EP400: variants seen among roughly 807,000 people sequenced by gnomAD.
The protein encoded by EP400 is E1A-binding protein p400.
In EP400, 105 loss-of-function variants were observed where a neutral mutation model predicts 354.1. The ratio of observed to expected loss-of-function variants is 0.30; its 90% confidence interval spans 0.25 to 0.35. The LOEUF (loss-of-function observed/expected upper bound fraction) is 0.35, where lower values mean the gene tolerates loss of function less well. EP400 is among the 10% of genes least tolerant of loss of function. The pLI is 1.00. For missense variants in EP400, 3,280 were observed against 4,121.0 expected, an observed-to-expected ratio of 0.80 and a Z score of 5.59; for synonymous variants, 1,646 against 1,716.9, an observed-to-expected ratio of 0.96 and a Z score of 1.02.
Position 132,045,036 on chromosome 12 carries a change from C to CCTGTCTG in EP400, c.6784+92_6784+98dup, listed in dbSNP as rs1398040557. The CCTGTCTG allele has an allele frequency of 6.8e-6, 9 of 1,330,016 alleles. No individual in the cohort carries two copies. The African/African-American group carries it at 7.0e-5, about 10-fold the overall frequency. The allele number at this position is 1,330,016 out of a possible 1,614,324, so 82.4% of individuals were successfully genotyped here. A position where few individuals can be genotyped will look rare whatever the true frequency, so the allele number is the denominator to read the frequency against. On this transcript the variant is annotated intron_variant, in intron 37 of 52. Coordinates refer to ENST00000389561, the MANE Select transcript of EP400 (RefSeq NM_015409.5). Reference sequence around the variant, plus strand: ...CATGTCAGCCACTTTCTGCTGTCTGCCTGTCTGCTGTCTGCCTGTCTGCTG... The same window carrying CCTGTCTG: ...CATGTCAGCCACTTTCTGCTGTCTGCCTGTCTGCTGTCTGCTGTCTGCCTGTCTGCTG...
chr12:131,988,015 G>A (rs11246887), intron 7 of EP400, 125 bp downstream of exon 7: 7 of 788,286 alleles, frequency 8.9e-6, no homozygotes, highest in Non-Finnish European at 1.2e-5. Context: ...TTTTCCCCCA[G>A]ACAGGGTCTT....
rs1314705099 is a variant in EP400, at chr12:131,982,490, G to A, written c.1929+12G>A. 5.1e-6 allele frequency: 8 copies of A among 1,579,564 alleles called. No individual in the cohort carries two copies. The highest frequency in any genetic ancestry group is 2.7e-5 in the African/African-American group (2 of 73,516). The stretch of plus-strand genomic sequence containing the variant: ...CCTCCCTGCCACAGGTATGAGAAAA[G>A]ATAGAGGAAAAAAAGAAAATGGTTT... On this transcript the variant is annotated intron_variant, in intron 5 of 52. Coordinates refer to ENST00000389561, the MANE Select transcript of EP400 (RefSeq NM_015409.5).
chr12:131,967,173 G>C (rs2136473347), intron 2 of EP400, among the ~76,000 whole-genome samples: 1 of 151,708 alleles, frequency 6.6e-6, no homozygotes, highest in African/African-American at 2.4e-5. Flanking sequence ...TTGAGGTCAG[G>C]AGTTCGAGAC....
At chr12:132,031,672 C>T (rs1229317529) in intron 29 of EP400, among the ~76,000 whole-genome samples, 1 of 152,206 alleles carries the variant, frequency 6.6e-6, no homozygotes, top group Non-Finnish European at 1.5e-5. Flanking sequence ...TCTCCTGCCA[C>T]AGCCTCCCAA....
intron 4 of EP400, 100 bp downstream of exon 4, chr12:131,981,696 CGTGT>C: frequency 9.6e-7 from 1 of 1,038,140 alleles, no homozygotes; most frequent in Non-Finnish European, 1.4e-6. Context: ...GTGGAGGTAG[CGTGT>C]TTGCAGTGGG....
Position 131,986,439 on chromosome 12 carries a change from G to A in EP400, c.1930-75G>A, listed in dbSNP as rs148818966. On this transcript the variant is annotated intron_variant, in intron 5 of 52. Coordinates refer to ENST00000389561, the MANE Select transcript of EP400 (RefSeq NM_015409.5). ...AGTGCGCGTCTCTGGTGCTGTGGGCGCTCAGGTATTTGGCACCGTGGGCTG... is the reference window on the plus strand; with the variant it reads ...AGTGCGCGTCTCTGGTGCTGTGGGCACTCAGGTATTTGGCACCGTGGGCTG... 229 of 1,456,438 alleles carry A rather than the reference G, an allele frequency of 1.6e-4. 1 individual carries two copies. The highest frequency in any genetic ancestry group is 1.5e-3 in the African/African-American group (106 of 70,946). The allele number at this position is 1,456,438 out of a possible 1,614,324, so 90.2% of individuals were successfully genotyped here.
chr12:132,012,800 C>G (rs1006553846), intron 16 of EP400, among the ~76,000 whole-genome samples: 1 of 152,094 alleles, frequency 6.6e-6, no homozygotes, highest in Non-Finnish European at 1.5e-5. Flanking sequence ...AATTTGTCAA[C>G]GAAACTGCTT....
In EP400 at chr12:131,961,935, C is replaced by T. The variant is rs199974937; in HGVS notation, c.1316C>T (p.Ser439Phe). 1 of 1,611,874 alleles carries T rather than the reference C, an allele frequency of 6.2e-7. No homozygotes were observed. The highest frequency in any genetic ancestry group is 8.5e-7 in the Non-Finnish European group (1 of 1,178,990). ...EEEEEEEEEK[S>F]EVINDEQQAL... ...GAGGAGGAAGAGGAGGAAGAAAAAT[C>T]TGAGGTTATCAATGACGAGGTAAGA... Residue 439 changes from serine to phenylalanine, a missense_variant, in exon 2 of 53, where the codon TCT becomes TTT. Around this residue, in one of 20 missense-constraint regions of EP400, gnomAD observed 800 missense variants for 840.0 expected, o/e 0.95. Transcript: ENST00000389561.
chr12:132,077,432 C>T lies in EP400; in HGVS notation c.9131C>T (p.Ala3044Val), dbSNP rs141517931. 19 of 1,612,514 alleles carry T rather than the reference C, an allele frequency of 1.2e-5. No homozygotes were observed. Among genetic ancestry groups the T allele is most frequent in the South Asian group, 4.4e-5 (4 of 91,052 alleles). The change falls in exon 53 of 53, where the codon GCG (alanine) becomes GTG (valine). Residue 3044 changes from alanine to valine, a missense_variant. Physicochemically the swap from Ala to Val is moderately conservative, Grantham distance 64. Coordinates refer to ENST00000389561, the MANE Select transcript of EP400 (RefSeq NM_015409.5). ...ASPQTVALTQ[A>V]TAAGQQVQMI... ...CCACAGACTGTGGCGCTCACGCAGG[C>T]GACGGCGGCCGGGCAGCAGGTGCAG...
chr12:132,050,674 C>T lies in EP400; in HGVS notation c.7394+19C>T, dbSNP rs1342827870. ...CAGAAAGGTATTTCTCTATTCGTGA[C>T]ACATTTGTTACTGTTTGGAAGGATT... On this transcript the variant is annotated intron_variant, in intron 41 of 52. Coordinates refer to ENST00000389561, the MANE Select transcript of EP400 (RefSeq NM_015409.5). This position sits in a 1 kb window ranked among gnomAD's most constrained non-coding sequence, Gnocchi z 4.8. The T allele has an allele frequency of 1.9e-6, 3 of 1,613,980 alleles. No individual in the cohort carries two copies. Among genetic ancestry groups the T allele is most frequent in the Non-Finnish European group, 2.5e-6 (3 of 1,179,954 alleles).
intron 45 of EP400, among the ~76,000 whole-genome samples, chr12:132,060,228 T>G (rs1404591580): frequency 6.6e-6 from 1 of 151,664 alleles, no homozygotes; most frequent in Non-Finnish European, 1.5e-5. Flanking sequence ...GAGGCAAAAA[T>G]CAGAAGACAT....
chr12:132,073,124 G>A (rs1227462259), intron 51 of EP400, among the ~76,000 whole-genome samples: 1 of 151,962 alleles, frequency 6.6e-6, no homozygotes, highest in African/African-American at 2.4e-5. Flanking sequence ...ATATAAGGTT[G>A]GGTATATTTG....
chr12:132,064,727 A>C lies in EP400; in HGVS notation c.8394A>C (p.Pro2798=), dbSNP rs751516430. 1.9e-6 allele frequency: 3 copies of C among 1,613,828 alleles called. No individual in the cohort carries two copies. In the Admixed American group the frequency reaches 5.0e-5, roughly 27 times the overall value. ...AGATGCCCCCGCAGCCCCCACCGCC[A>C]CAGGCCCAGTCTGCGCCCCCGCAGC... ...KLQMPPQPPP[P]QAQSAPPQPT... Residue 2798 remains proline (P), a synonymous_variant, in exon 48 of 53, where the codon CCA becomes CCC. Coordinates refer to ENST00000389561, the MANE Select transcript of EP400 (RefSeq NM_015409.5).
chr12:132,048,017 C>T (rs772481670), intron 39 of EP400, among the ~76,000 whole-genome samples: 2 of 152,234 alleles, frequency 1.3e-5, no homozygotes, highest in African/African-American at 4.8e-5. Flanking sequence ...CCGCCTGGCT[C>T]ACCGGCAGTC....
chr12:131,994,752 G>T lies in EP400; in HGVS notation c.2738-115G>T. The T allele has an allele frequency of 1.3e-6, 1 of 785,008 alleles. No homozygotes were observed. The highest frequency in any genetic ancestry group is 2.0e-6 in the Non-Finnish European group (1 of 496,900). 48.6% of individuals were successfully genotyped at this position (785,008 alleles called of 1,614,324 possible). On this transcript the variant is annotated intron_variant, in intron 11 of 52. Coordinates refer to ENST00000389561, the MANE Select transcript of EP400 (RefSeq NM_015409.5). The surrounding 1 kb of genome is among the most constrained non-coding windows in gnomAD (Gnocchi z 4.6). ...TTAACCTGAGAAGTTTAAAAGCTCA[G>T]TTTCAATTTCTGTAATAGCTATGCA...
At chr12:132,009,318 T>C (rs951709811) in intron 15 of EP400, among the ~76,000 whole-genome samples, 3 of 152,278 alleles carry the variant, frequency 2.0e-5, no homozygotes, top group Middle Eastern at 3.4e-3. Flanking sequence ...ATTCATCTGC[T>C]CCTTACCTGA....
intron 45 of EP400, among the ~76,000 whole-genome samples, chr12:132,061,528 G>GC (rs1895693847): frequency 6.6e-6 from 1 of 152,350 alleles, no homozygotes; most frequent in East Asian, 1.9e-4. Context: ...TCCAGTTTAT[G>GC]GTGGGACAAG....
chr12:131,950,318 G>C (rs12820927), intron 1 of EP400, among the ~76,000 whole-genome samples: 2 of 152,250 alleles, frequency 1.3e-5, no homozygotes, highest in South Asian at 2.1e-4. Context: ...TCCTGGGCTG[G>C]GGGCGTGGCC....
In EP400 at chr12:132,006,317, T is replaced by C. The variant is rs1376899092; in HGVS notation, c.3126+15T>C. On this transcript the variant is annotated intron_variant, in intron 14 of 52. Coordinates refer to ENST00000389561, the MANE Select transcript of EP400 (RefSeq NM_015409.5). Reference sequence around the variant, plus strand: ...TCACAACCTCGGTGAGGCGCTAAGCTTTCAAGTGTGGGATGGGCCTTTGAG... The same window carrying C: ...TCACAACCTCGGTGAGGCGCTAAGCCTTCAAGTGTGGGATGGGCCTTTGAG... 6.2e-7 allele frequency: 1 copy of C among 1,612,434 alleles called. No homozygotes were observed. The highest frequency in any genetic ancestry group is 8.5e-7 in the Non-Finnish European group (1 of 1,179,090).
Sources: gnomAD v4.1 joint callset for allele counts (sites outside exome capture counted in the v4.1 genomes callset) on GRCh38, gnomAD v4.1.1 for gene constraint, gnomAD v4.1.1 regional missense constraint, Gnocchi (gnomAD v3.1) non-coding constraint, MANE v1.5 for transcripts, NCBI Gene and HGNC (gene_info 2026-07-23, HGNC 2026-07-21) for gene names.